Variants in NEDD4 observed in about 807,000 individuals in gnomAD.
NEDD4 encodes NEDD4 E3 ubiquitin protein ligase.
NEDD4 carries 99 observed loss-of-function variants against 144.9 expected under a neutral mutation model. The ratio of observed to expected loss-of-function variants is 0.68; its 90% CI spans 0.58 to 0.81. NEDD4 has a LOEUF of 0.81. Among genes scored for constraint, NEDD4 ranks in the 30% least tolerant of loss-of-function variants. The pLI is 0.00. For missense variants in NEDD4, 985 were observed against 1,065.9 expected (o/e 0.92, Z 1.06); for synonymous variants, 318 against 350.6 (o/e 0.91, Z 1.04).
chr15:55,857,993 C>T (rs1187790191), intron 11 of NEDD4, among the ~76,000 whole-genome samples: 1 of 152,156 alleles, frequency 6.6e-6, no homozygotes, highest in Non-Finnish European at 1.5e-5. Flanking sequence ...TGCCTCTCTT[C>T]AGAGGCAAGC....
At chr15:55,955,089 C>T (rs1370031297) in intron 2 of NEDD4, among the ~76,000 whole-genome samples, 3 of 151,706 alleles carry the variant, frequency 2.0e-5, no homozygotes, top group Admixed American at 6.6e-5. Context: ...GCTGCAATCT[C>T]GGCTCACTCG....
At chr15:55,917,018 G>A (rs1378078505) in intron 5 of NEDD4, 1 of 1,318,210 alleles carries the variant, frequency 7.6e-7, no homozygotes, top group Non-Finnish European at 9.6e-7. Context: ...AGAAAAAGAC[G>A]ACCCATTCCA....
chr15:55,950,901 A>G (rs558657037), intron 4 of NEDD4, among the ~76,000 whole-genome samples: 1 of 152,276 alleles, frequency 6.6e-6, no homozygotes, highest in East Asian at 1.9e-4. Context: ...GTACAAGGAG[A>G]CACTGTCAGT....
intron 4 of NEDD4, among the ~76,000 whole-genome samples, chr15:55,938,790 TCAA>T (rs1377649609): frequency 6.6e-6 from 1 of 150,968 alleles, no homozygotes; most frequent in South Asian, 2.1e-4. Context: ...AAAACAAGCA[TCAA>T]CAACAACAAC....
chr15:55,836,239 T>A (rs1322433999), intron 24 of NEDD4, among the ~76,000 whole-genome samples: 3 of 152,098 alleles, frequency 2.0e-5, no homozygotes, highest in Non-Finnish European at 4.4e-5. Context: ...ACTCTTTACA[T>A]CATACATACC....
chr15:55,856,763 A>G (rs971514274), intron 11 of NEDD4, among the ~76,000 whole-genome samples: 1 of 152,156 alleles, frequency 6.6e-6, no homozygotes, highest in Non-Finnish European at 1.5e-5. Flanking sequence ...CCCCCTGGAC[A>G]TTCCAGACTA....
chr15:55,897,301 G>A (rs1288196135), intron 5 of NEDD4, among the ~76,000 whole-genome samples: 2 of 152,126 alleles, frequency 1.3e-5, no homozygotes, highest in Non-Finnish European at 2.9e-5. Flanking sequence ...GGAAAACTCT[G>A]CTGTGTCATC....
In NEDD4 at chr15:55,874,087, T is replaced by A; in HGVS notation, c.292-79A>T. ...AGAGTTTGATGAGATAGTGCCACCATTCACAGAAAATGTAGAGTTTTTTTT... is the reference window on the plus strand; with the variant it reads ...AGAGTTTGATGAGATAGTGCCACCAATCACAGAAAATGTAGAGTTTTTTTT... On this transcript the variant is annotated intron_variant, in intron 5 of 28. Transcript: ENST00000435532. The A allele has an allele frequency of 5.2e-6, 4 of 762,212 alleles. No homozygotes were observed. In the South Asian group the frequency reaches 7.8e-5, roughly 15 times the overall value. The allele number at this position is 762,212 out of a possible 1,614,324, so 47.2% of individuals were successfully genotyped here.
chr15:55,844,669 C>CTCCAT (rs2033666621), intron 18 of NEDD4, among the ~76,000 whole-genome samples: 1 of 152,098 alleles, frequency 6.6e-6, no homozygotes, highest in South Asian at 2.1e-4. Context: ...GTTGTTTCAA[C>CTCCAT]TCCATGCATT....
chr15:55,981,819 A>G (rs2037808899), intron 1 of NEDD4, among the ~76,000 whole-genome samples: 1 of 152,220 alleles, frequency 6.6e-6, no homozygotes, highest in Non-Finnish European at 1.5e-5. Flanking sequence ...TCAGATGGAC[A>G]CTAAAGTTGA....
chr15:55,833,679 A>C (rs1408797103), intron 26 of NEDD4, among the ~76,000 whole-genome samples: 3 of 152,074 alleles, frequency 2.0e-5, no homozygotes, highest in Non-Finnish European at 4.4e-5. Context: ...CATTATATTA[A>C]TATGATTGAA....
intron 7 of NEDD4, 118 bp from the exon 8 acceptor site, chr15:55,869,799 G>T (rs1468255516): frequency 3.2e-6 from 2 of 624,012 alleles, no homozygotes; most frequent in African/African-American, 1.9e-5. Flanking sequence ...GAGGTTCAAA[G>T]ACAAGTTCCA....
chr15:55,863,983 G>C (rs2034498649), intron 8 of NEDD4, among the ~76,000 whole-genome samples: 1 of 152,138 alleles, frequency 6.6e-6, no homozygotes, highest in African/African-American at 2.4e-5. Context: ...ATTTTATCAA[G>C]TCATAAAACA....
chr15:55,933,123 G>A (rs571986685), intron 4 of NEDD4, among the ~76,000 whole-genome samples: 29 of 152,194 alleles, frequency 1.9e-4, no homozygotes, highest in African/African-American at 5.5e-4. Flanking sequence ...ACAGTGTGGC[G>A]ATTCCTCAAG....
intron 1 of NEDD4, among the ~76,000 whole-genome samples, chr15:55,969,182 C>T (rs1029704499): frequency 3.9e-5 from 6 of 152,140 alleles, no homozygotes; most frequent in Admixed American, 3.3e-4. Context: ...GCTGCCCTGT[C>T]GCAGTGGAAG....
At chr15:55,989,712 C>T (rs558340800) in intron 1 of NEDD4, among the ~76,000 whole-genome samples, 105 of 152,176 alleles carry the variant, frequency 6.9e-4, no homozygotes, top group Non-Finnish European at 1.2e-3. Flanking sequence ...AAACAGAAAT[C>T]ATTCTAGATG....
chr15:55,992,110 T>A (rs893576748), intron 1 of NEDD4: 1 of 152,200 alleles, frequency 6.6e-6, no homozygotes. Context: ...CAGGGAAATC[T>A]GACTGATAAG....
intron 1 of NEDD4, 75 bp from the exon 2 acceptor site, chr15:55,966,621 T>A (rs1195994146): frequency 9.3e-6 from 6 of 648,168 alleles, no homozygotes; most frequent in Non-Finnish European, 7.5e-6. Flanking sequence ...AAAAAATATA[T>A]ATCAAATAAA....
intron 1 of NEDD4, among the ~76,000 whole-genome samples, chr15:55,978,519 C>A (rs1456549552): frequency 1.3e-5 from 2 of 152,160 alleles, no homozygotes; most frequent in African/African-American, 4.8e-5. Context: ...ATAGAAAAAT[C>A]TCTTCAATAA....
Sources: allele counts gnomAD v4.1 joint callset (sites outside exome capture counted in the v4.1 genomes callset), GRCh38; gene constraint gnomAD v4.1.1; transcripts MANE v1.5; gene names NCBI Gene and HGNC (gene_info 2026-07-23, HGNC 2026-07-21).